Variants in RASAL2 observed in about 807,000 individuals in gnomAD.
The protein encoded by RASAL2 is ras GTPase-activating protein nGAP.
Under a neutral mutation model 128.9 loss-of-function variants are expected in RASAL2, and 58 were observed. The observed-to-expected ratio is 0.45, with a 90% CI of 0.36 to 0.56. The LOEUF (loss-of-function observed/expected upper bound fraction) is 0.56, where lower values mean the gene tolerates loss of function less well. Ranked by LOEUF, RASAL2 falls within the 20% of genes least tolerant of loss-of-function variation. The pLI is 0.00. For synonymous variants in RASAL2, 561 were observed against 580.8 expected (o/e 0.97, Z 0.49); for missense variants, 1,360 against 1,601.6 (o/e 0.85, Z 2.57).
intron 3 of RASAL2, among the ~76,000 whole-genome samples, chr1:178,349,934 CA>C (rs1193026430): frequency 4.6e-5 from 7 of 152,170 alleles, no homozygotes; most frequent in Admixed American, 1.3e-4. Context: ...TTTGTCTTTA[CA>C]AAACTACAAA....
rs1437603507 is a variant in RASAL2, at chr1:178,127,279, T to G, written c.202+32585T>G. Among the ~76,000 whole-genome samples, 3 of 152,186 alleles carry G rather than the reference T, an allele frequency of 2.0e-5. No homozygotes were observed. In the East Asian group the frequency reaches 5.8e-4, roughly 29 times the overall value. ...TTAAGTTCAGTGTTTTCTCTTGGCT[T>G]CGAATTATTCTTGAGTTTTAGAGAA... On this transcript the variant is annotated intron_variant, in intron 1 of 17. Transcript: ENST00000367649.
chr1:178,294,023 A>G (rs1274411362), intron 2 of RASAL2, among the ~76,000 whole-genome samples: 1 of 151,170 alleles, frequency 6.6e-6, no homozygotes, highest in Middle Eastern at 3.4e-3. Context: ...GCACTGAACT[A>G]CACAATAGGG....
chr1:178,437,392 A>G (rs1010962134), intron 5 of RASAL2, among the ~76,000 whole-genome samples: 6 of 152,108 alleles, frequency 3.9e-5, no homozygotes, highest in African/African-American at 9.7e-5. Flanking sequence ...TCAGAAAGTG[A>G]CTTGCTATAC....
chr1:178,358,237 TAAAAAAAAAAAAA>T (rs71567191), intron 3 of RASAL2, among the ~76,000 whole-genome samples: 3 of 34,774 alleles, frequency 8.6e-5, no homozygotes, highest in South Asian at 1.8e-3. Context: ...CTCTGTCTCC[TAAAAAAAAAAAAA>T]AAAAAAAAAA....
chr1:178,372,772 T>TTA (rs1450623919), intron 3 of RASAL2, among the ~76,000 whole-genome samples: 1 of 152,172 alleles, frequency 6.6e-6, no homozygotes, highest in Admixed American at 6.5e-5. Context: ...TTTGTAATGC[T>TTA]TATATATGAT....
chr1:178,458,055 G>A lies in RASAL2; in HGVS notation c.2763G>A (p.Ser921=), dbSNP rs755892625. 3.1e-5 allele frequency: 50 copies of A among 1,613,998 alleles called. No homozygotes were observed. The highest frequency in any genetic ancestry group is 1.3e-4 in the East Asian group (6 of 44,878). The stretch of plus-strand genomic sequence containing the variant: ...AGCCAGGTGGCCTTCAGCCCTTGTC[G>A]TTCCAGAACCCTGTCTATCACCTCA... The part of the protein sequence containing the change: ...LNQPGGLQPL[S]FQNPVYHLNN... Residue 921 remains serine, a synonymous_variant, in exon 14 of 18, where the codon TCG becomes TCA. Coordinates refer to ENST00000367649, the MANE Select transcript of RASAL2 (RefSeq NM_170692.4).
chr1:178,206,166 C>A (rs6685012), intron 1 of RASAL2, among the ~76,000 whole-genome samples: 40,759 of 151,944 alleles, frequency 0.27, 6,311 homozygotes, highest in African/African-American at 0.44. Flanking sequence ...CATCTTGAGA[C>A]GAAAGTTTCA....
At chr1:178,233,802 A>AT (rs1664112103) in intron 1 of RASAL2, among the ~76,000 whole-genome samples, 1 of 152,152 alleles carries the variant, frequency 6.6e-6, no homozygotes, top group African/African-American at 2.4e-5. Flanking sequence ...CATCCGTGGC[A>AT]TTTTCTCTAC....
chr1:178,253,594 G>A (rs984413956), intron 1 of RASAL2, among the ~76,000 whole-genome samples: 92 of 152,242 alleles, frequency 6.0e-4, no homozygotes, highest in Admixed American at 5.6e-3. Context: ...AGTCAGTGAA[G>A]GGAGATAGGG....
At chr1:178,425,742 A>G (rs1260405045) in intron 5 of RASAL2, among the ~76,000 whole-genome samples, 2 of 152,150 alleles carry the variant, frequency 1.3e-5, no homozygotes, top group East Asian at 1.9e-4. Flanking sequence ...AAAAAGACAC[A>G]TGCTTTCCAG....
Position 178,140,019 on chromosome 1 carries a change from C to T in RASAL2, c.202+45325C>T, listed in dbSNP as rs141839548. 7.7e-3 allele frequency among the ~76,000 whole-genome samples: 1,169 copies of T among 152,158 alleles called. 6 individuals carry two copies. Among genetic ancestry groups the T allele is most frequent in the Middle Eastern group, 0.017 (5 of 294 alleles). ...GCTAAGAGGTGAAAGAACTTGTCAC[C>T]TTATTGGTAAATGTCAGAATTTTGA... On this transcript the variant is annotated intron_variant, in intron 1 of 17. Coordinates refer to ENST00000367649, the MANE Select transcript of RASAL2 (RefSeq NM_170692.4).
chr1:178,095,609 T>C lies in RASAL2; in HGVS notation c.202+915T>C, dbSNP rs145565532. Among the ~76,000 whole-genome samples the C allele has an allele frequency of 2.4e-3, 364 of 152,310 alleles. 1 individual carries two copies. Among genetic ancestry groups the C allele is most frequent in the African/African-American group, 8.3e-3 (344 of 41,578 alleles). On this transcript the variant is annotated intron_variant, in intron 1 of 17. Coordinates refer to ENST00000367649, the MANE Select transcript of RASAL2 (RefSeq NM_170692.4). ...ACAATGTTAAGATGTTATCCTGCAG[T>C]CTTGTGCATCTAAGCCTGTAGTGAT...
At chr1:178,387,848 A>G (rs931505023) in intron 3 of RASAL2, among the ~76,000 whole-genome samples, 4 of 152,220 alleles carry the variant, frequency 2.6e-5, no homozygotes, top group Admixed American at 2.0e-4. Context: ...GTGGCCACTA[A>G]TTTTAGTCAA....
chr1:178,430,669 G>A (rs1179644411), intron 5 of RASAL2, among the ~76,000 whole-genome samples: 1 of 151,842 alleles, frequency 6.6e-6, no homozygotes, highest in Non-Finnish European at 1.5e-5. Flanking sequence ...GATGTAGGAA[G>A]AGAAATCATT....
chr1:178,470,087 G>A (rs578072213), intron 17 of RASAL2, among the ~76,000 whole-genome samples: 1 of 152,180 alleles, frequency 6.6e-6, no homozygotes, highest in African/African-American at 2.4e-5. Context: ...GGCATTCTTT[G>A]TAATGAATGA....
intron 3 of RASAL2, among the ~76,000 whole-genome samples, chr1:178,327,271 A>G (rs1350991810): frequency 6.6e-6 from 1 of 152,166 alleles, no homozygotes; most frequent in Non-Finnish European, 1.5e-5. Flanking sequence ...TTTAAATTAG[A>G]ATCTTAGATA....
intron 3 of RASAL2, among the ~76,000 whole-genome samples, chr1:178,386,174 A>G (rs1672554253): frequency 6.6e-6 from 1 of 152,138 alleles, no homozygotes; most frequent in African/African-American, 2.4e-5. Context: ...TAATTATCCA[A>G]TTTTCAATTT....
chr1:178,412,336 A>G (rs1236696503), intron 4 of RASAL2, among the ~76,000 whole-genome samples: 1 of 152,214 alleles, frequency 6.6e-6, no homozygotes, highest in East Asian at 1.9e-4. Flanking sequence ...CCATGATTTT[A>G]TGGACTATTG....
intron 3 of RASAL2, among the ~76,000 whole-genome samples, chr1:178,350,073 T>C (rs1342500929): frequency 2.0e-5 from 3 of 152,248 alleles, no homozygotes; most frequent in African/African-American, 4.8e-5. Flanking sequence ...TCTAGAGCAA[T>C]CTTCTTCACT....
Sources: gnomAD v4.1 joint callset for allele counts (sites outside exome capture counted in the v4.1 genomes callset) on GRCh38, gnomAD v4.1.1 for gene constraint, MANE v1.5 for transcripts, NCBI Gene and HGNC (gene_info 2026-07-23, HGNC 2026-07-21) for gene names.